ZNF566: variants seen among roughly 807,000 people sequenced by gnomAD.
ZNF566 encodes zinc finger protein 566.
Under a neutral mutation model 32.8 loss-of-function variants are expected in ZNF566, and 27 were observed. The observed-to-expected ratio is 0.82, with a 90% CI of 0.61 to 1.14. ZNF566 has a LOEUF of 1.14. ZNF566 is among the 50% of genes most tolerant of loss of function. ZNF566 has a pLI of 0.00. For synonymous variants in ZNF566, 154 were observed against 159.5 expected (o/e 0.97, Z 0.26); for missense variants, 402 against 490.4 (o/e 0.82, Z 1.70).
intron 1 of ZNF566, among the ~76,000 whole-genome samples, chr19:36,487,102 AAAAACAAACCAAAACAAGAC>A (rs1300251016): frequency 2.0e-5 from 3 of 150,234 alleles, no homozygotes; most frequent in Admixed American, 1.3e-4. Flanking sequence ...AAAAAAAAAA[AAAAACAAACCAAAACAAGAC>A]AAAACAAACC....
intron 1 of ZNF566, among the ~76,000 whole-genome samples, chr19:36,484,930 T>C (rs1170243674): frequency 6.6e-6 from 1 of 152,046 alleles, no homozygotes; most frequent in African/African-American, 2.4e-5. Flanking sequence ...AAGATACTTA[T>C]TCAATAAAAT....
chr19:36,474,132 G>A (rs150006004), intron 2 of ZNF566, among the ~76,000 whole-genome samples: 119 of 152,238 alleles, frequency 7.8e-4, no homozygotes, highest in African/African-American at 2.8e-3. Flanking sequence ...CCACAAAAAC[G>A]AGGGAGTAAA....
intron 1 of ZNF566, among the ~76,000 whole-genome samples, chr19:36,482,243 C>T (rs891530655): frequency 6.6e-6 from 1 of 152,162 alleles, no homozygotes; most frequent in African/African-American, 2.4e-5. Flanking sequence ...GTAGCTGGGA[C>T]TACAGGCGCC....
Position 36,449,609 on chromosome 19 carries a change from T to C in ZNF566, c.625A>G (p.Arg209Gly), listed in dbSNP as rs779517742. The C allele has an allele frequency of 1.9e-6, 3 of 1,614,192 alleles. No individual in the cohort carries two copies. The highest frequency in any genetic ancestry group is 3.3e-5 in the Admixed American group (2 of 60,014). ...YECKECGKSF[R>G]HPSRLTHHQK... Reference sequence around the variant, plus strand: ...TGATGAGTGAGTCTTGAGGGATGTCTAAAGGACTTTCCACATTCCTTACAT... The same window carrying C: ...TGATGAGTGAGTCTTGAGGGATGTCCAAAGGACTTTCCACATTCCTTACAT... Residue 209 changes from arginine (R) to glycine (G), a missense_variant, in exon 5 of 5, where the codon AGA (arginine) becomes GGA (glycine). By Grantham distance (125) the Arg-to-Gly change is moderately radical (BLOSUM62 -2). Around this residue, in one of 3 missense-constraint regions of ZNF566, gnomAD observed 220 missense variants for 241.9 expected, o/e 0.91. Transcript: ENST00000452939.
chr19:36,481,471 G>A (rs1301794708), intron 1 of ZNF566, among the ~76,000 whole-genome samples: 1 of 76,108 alleles, frequency 1.3e-5, no homozygotes, highest in African/African-American at 5.7e-5. Context: ...ACACTGTCTC[G>A]GGAAAAAAAA....
intron 1 of ZNF566, 176 bp downstream of exon 1, chr19:36,489,310 G>A: frequency 9.3e-6 from 2 of 215,630 alleles, no homozygotes; most frequent in Non-Finnish European, 1.9e-5. Flanking sequence ...TGCACACGGT[G>A]TGAGCGTTGG....
chr19:36,454,140 C>G (rs1178040487), intron 4 of ZNF566, among the ~76,000 whole-genome samples: 2 of 152,040 alleles, frequency 1.3e-5, no homozygotes, highest in African/African-American at 4.8e-5. Flanking sequence ...CTCAAGCTAT[C>G]CTCCCACCTC....
intron 4 of ZNF566, among the ~76,000 whole-genome samples, chr19:36,460,059 G>A (rs1401579833): frequency 6.6e-6 from 1 of 151,790 alleles, no homozygotes; most frequent in East Asian, 1.9e-4. Flanking sequence ...TGCCCACCTT[G>A]ACCTCCCAAA....
intron 4 of ZNF566, among the ~76,000 whole-genome samples, chr19:36,462,889 G>A (rs1041775416): frequency 2.2e-4 from 31 of 143,766 alleles, no homozygotes; most frequent in Non-Finnish European, 7.5e-5. Context: ...CCCAGGAGGC[G>A]GAGGTTGCAG....
intron 4 of ZNF566, among the ~76,000 whole-genome samples, chr19:36,455,168 A>G (rs1474210281): frequency 1.3e-5 from 2 of 152,238 alleles, no homozygotes; most frequent in East Asian, 3.8e-4. Flanking sequence ...ACATACTTTC[A>G]TAATCAAAAC....
intron 1 of ZNF566, among the ~76,000 whole-genome samples, chr19:36,479,306 A>G (rs1206083527): frequency 6.6e-6 from 1 of 152,228 alleles, no homozygotes; most frequent in African/African-American, 2.4e-5. Flanking sequence ...GAAAACTATC[A>G]TTATTCACAG....
At chr19:36,458,600 G>C (rs1203659208) in intron 4 of ZNF566, among the ~76,000 whole-genome samples, 1 of 152,094 alleles carries the variant, frequency 6.6e-6, no homozygotes, top group Non-Finnish European at 1.5e-5. Flanking sequence ...TTAATAGTAT[G>C]TACTGCCATG....
At chr19:36,472,508 A>G (rs111601993) in intron 4 of ZNF566, among the ~76,000 whole-genome samples, 2,018 of 152,352 alleles carry the variant, frequency 0.013, 47 homozygotes, top group African/African-American at 0.046. Context: ...CAATGAGGGC[A>G]TAAACCCCTA....
rs545565864 is a variant in ZNF566 at position 36,450,592 on chromosome 19, C to T, written c.233-591G>A. Among the ~76,000 whole-genome samples, 6 of 152,110 alleles carry T rather than the reference C, an allele frequency of 3.9e-5. No homozygotes were observed. The South Asian group carries it at 1.2e-3, about 32-fold the overall frequency. ...CCGGGAGGCAGAGGTTGCAGTGAGC[C>T]GAGATTGCCACTGCACTCCAGCCTG... is the stretch of plus-strand genomic sequence containing the variant. On this transcript the variant is annotated intron_variant, in intron 4 of 4. Transcript: ENST00000452939.
chr19:36,450,527 C>G (rs894656002), intron 4 of ZNF566, among the ~76,000 whole-genome samples: 18 of 152,096 alleles, frequency 1.2e-4, no homozygotes, highest in Non-Finnish European at 2.6e-4. Context: ...GCCTGTAATC[C>G]CAGCTACTGG....
At chr19:36,484,190 A>G (rs1400619149) in intron 1 of ZNF566, among the ~76,000 whole-genome samples, 1 of 152,202 alleles carries the variant, frequency 6.6e-6, no homozygotes, top group African/African-American at 2.4e-5. Flanking sequence ...TGCCTTACTT[A>G]ACACAGTTTG....
chr19:36,473,797 G>A (rs1161998867), intron 2 of ZNF566, among the ~76,000 whole-genome samples: 1 of 152,106 alleles, frequency 6.6e-6, no homozygotes, highest in East Asian at 1.9e-4. Flanking sequence ...ATAAATCAAC[G>A]ATACATGTGA....
intron 1 of ZNF566, among the ~76,000 whole-genome samples, chr19:36,480,282 T>TCTTTTC (rs2033993187): frequency 7.0e-6 from 1 of 142,152 alleles, no homozygotes; most frequent in African/African-American, 2.5e-5. Context: ...CATGCAATTT[T>TCTTTTC]TTTTTCTTTT....
chr19:36,486,290 A>G (rs2034159600), intron 1 of ZNF566, among the ~76,000 whole-genome samples: 1 of 152,240 alleles, frequency 6.6e-6, no homozygotes, highest in African/African-American at 2.4e-5. Context: ...AAAGTCTTCT[A>G]TCAGCATAAA....
Sources: allele counts gnomAD v4.1 joint callset (sites outside exome capture counted in the v4.1 genomes callset), GRCh38; gene constraint gnomAD v4.1.1; regional missense constraint gnomAD v4.1.1; transcripts MANE v1.5; gene names NCBI Gene and HGNC (gene_info 2026-07-23, HGNC 2026-07-21).